The following RPS6KC1 variants were observed in gnomAD, a reference collection of about 807,000 sequenced individuals.
RPS6KC1 encodes inactive ribosomal protein S6 kinase delta-1.
In RPS6KC1, 54 loss-of-function variants were observed where a neutral mutation model predicts 103.8. The ratio of observed to expected loss-of-function variants is 0.52; its 90% CI spans 0.42 to 0.65. The LOEUF is 0.65. RPS6KC1 is among the 30% of genes least tolerant of loss of function. The pLI, the probability that RPS6KC1 is intolerant of heterozygous loss-of-function variation, is 0.00. For synonymous variants in RPS6KC1, 439 were observed against 438.7 expected, an observed-to-expected ratio of 1.00 and a Z score of -0.01; for missense variants, 1,151 against 1,253.8, an observed-to-expected ratio of 0.92 and a Z score of 1.24.
the RPS6KC1 span, among the ~76,000 whole-genome samples, chr1:213,676,306 G>A: frequency 6.6e-6 from 1 of 152,174 alleles, no homozygotes; most frequent in Non-Finnish European, 1.5e-5. Context: ...CCAGCTAGTA[G>A]AGCCCTTGGG....
intron 6 of RPS6KC1, among the ~76,000 whole-genome samples, chr1:213,144,948 G>T (rs1249759976): frequency 6.6e-6 from 1 of 152,056 alleles, no homozygotes; most frequent in African/African-American, 2.4e-5. Context: ...GGTGGTGGGT[G>T]CCTGTAATCC....
the RPS6KC1 span, among the ~76,000 whole-genome samples, chr1:213,762,139 G>GAGGTGCGCTGTCTCGGGC: frequency 2.8e-3 from 426 of 152,284 alleles, 10 homozygotes; most frequent in East Asian, 0.022. Flanking sequence ...CTCAAAGTCA[G>GAGGTGCGCTGTCTCGGGC]AGGTGCGCTG....
chr1:213,599,450 T>A, the RPS6KC1 span, among the ~76,000 whole-genome samples: 18 of 145,272 alleles, frequency 1.2e-4, no homozygotes, highest in Non-Finnish European at 2.3e-4. Context: ...AAAAAAAGAG[T>A]GTCACTTCTG....
chr1:213,370,890 G>A, the RPS6KC1 span, among the ~76,000 whole-genome samples: 205 of 152,260 alleles, frequency 1.3e-3, 1 homozygote, highest in African/African-American at 4.0e-3. Flanking sequence ...TGTCAAACTC[G>A]TGCCCCATGA....
chr1:213,771,915 A>C, the RPS6KC1 span, among the ~76,000 whole-genome samples: 2 of 152,136 alleles, frequency 1.3e-5, no homozygotes, highest in Non-Finnish European at 2.9e-5. Flanking sequence ...GAACATTCAA[A>C]AGCTGGAAAG....
chr1:213,674,810 TA>T, the RPS6KC1 span, among the ~76,000 whole-genome samples: 5 of 152,080 alleles, frequency 3.3e-5, no homozygotes, highest in South Asian at 4.2e-4. Flanking sequence ...ATCTTTTTTT[TA>T]ACTTTTTAAT....
the RPS6KC1 span, among the ~76,000 whole-genome samples, chr1:213,552,446 T>C: frequency 6.6e-6 from 1 of 152,232 alleles, no homozygotes; most frequent in African/African-American, 2.4e-5. Flanking sequence ...ATTGTTTTAA[T>C]TACATTTCCC....
chr1:213,098,686 T>C (rs904398788), intron 3 of RPS6KC1, among the ~76,000 whole-genome samples: 17 of 152,176 alleles, frequency 1.1e-4, no homozygotes, highest in Admixed American at 4.6e-4. Context: ...AACAATGTTA[T>C]TGTATTGCAA....
At chr1:213,254,200 A>G (rs919593563) in intron 12 of RPS6KC1, among the ~76,000 whole-genome samples, 1 of 152,184 alleles carries the variant, frequency 6.6e-6, no homozygotes, top group Non-Finnish European at 1.5e-5. Context: ...GTAAGAGTCT[A>G]TATTGTAGTT....
chr1:213,474,911 C>T, the RPS6KC1 span, among the ~76,000 whole-genome samples: 84 of 152,290 alleles, frequency 5.5e-4, no homozygotes, highest in African/African-American at 2.0e-3. Context: ...CTCCCTTTAA[C>T]AACATCAAGG....
chr1:213,846,266 C>A, the RPS6KC1 span, among the ~76,000 whole-genome samples: 1 of 151,908 alleles, frequency 6.6e-6, no homozygotes, highest in Non-Finnish European at 1.5e-5. Flanking sequence ...CACCACTGCA[C>A]TCCAGCCTGG....
At chr1:213,657,094 A>C in the RPS6KC1 span, among the ~76,000 whole-genome samples, 1 of 152,210 alleles carries the variant, frequency 6.6e-6, no homozygotes, top group Non-Finnish European at 1.5e-5. Context: ...AATTAACATA[A>C]ACCCAGGGGT....
At chr1:213,398,714 C>A in the RPS6KC1 span, among the ~76,000 whole-genome samples, 2 of 152,156 alleles carry the variant, frequency 1.3e-5, no homozygotes, top group Non-Finnish European at 2.9e-5. Flanking sequence ...TATTAGGCAT[C>A]ATTTTATTTA....
chr1:213,692,178 A>G, the RPS6KC1 span, among the ~76,000 whole-genome samples: 65,645 of 151,952 alleles, frequency 0.43, 14,561 homozygotes, highest in East Asian at 0.54. Flanking sequence ...CAAGACAGAC[A>G]GATCACTTGA....
At chr1:213,124,346 CAAAT>C (rs1164246380) in intron 5 of RPS6KC1, among the ~76,000 whole-genome samples, 2 of 152,164 alleles carry the variant, frequency 1.3e-5, no homozygotes, top group African/African-American at 4.8e-5. Context: ...TAACTTTTGA[CAAAT>C]AGTCTCTGTA....
the RPS6KC1 span, among the ~76,000 whole-genome samples, chr1:213,505,000 AC>A: frequency 6.6e-6 from 1 of 151,552 alleles, no homozygotes; most frequent in South Asian, 2.1e-4. Flanking sequence ...GTTCCCCACA[AC>A]CCCCATCTAT....
chr1:213,161,620 C>G (rs1175662152), intron 6 of RPS6KC1, among the ~76,000 whole-genome samples: 1 of 152,210 alleles, frequency 6.6e-6, no homozygotes, highest in Non-Finnish European at 1.5e-5. Flanking sequence ...TGCACCTGCC[C>G]TCATTCTTTG....
At chr1:213,382,276 G>C in the RPS6KC1 span, among the ~76,000 whole-genome samples, 1 of 152,136 alleles carries the variant, frequency 6.6e-6, no homozygotes, top group African/African-American at 2.4e-5. Flanking sequence ...GGTGGCAAAG[G>C]GTTGAGAGAT....
the RPS6KC1 span, among the ~76,000 whole-genome samples, chr1:213,379,029 G>C: frequency 6.6e-6 from 1 of 152,106 alleles, no homozygotes; most frequent in African/African-American, 2.4e-5. Context: ...CCAGGTTCTC[G>C]GCAAGGGTTG....
Sources: allele counts gnomAD v4.1 joint callset (sites outside exome capture counted in the v4.1 genomes callset), GRCh38; gene constraint gnomAD v4.1.1; transcripts MANE v1.5; gene names NCBI Gene and HGNC (gene_info 2026-07-23, HGNC 2026-07-21).